The following OTOF variants were observed in gnomAD, a reference collection of about 807,000 sequenced individuals.
OTOF encodes fer-1-like family member 2.
In OTOF, 218 loss-of-function variants were observed where a neutral mutation model predicts 236.8. The ratio of observed to expected loss-of-function variants is 0.92; its 90% confidence interval spans 0.82 to 1.03. The LOEUF (loss-of-function observed/expected upper bound fraction) is 1.03. OTOF is among the 50% of genes least tolerant of loss of function. The pLI is 0.00. For synonymous variants in OTOF, 1,041 were observed against 1,072.5 expected, an observed-to-expected ratio of 0.97 and a Z score of 0.57; for missense variants, 2,590 against 2,694.4, an observed-to-expected ratio of 0.96 and a Z score of 0.86.
intron 1 of OTOF, among the ~76,000 whole-genome samples, chr2:26,543,171 C>A (rs1667247895): frequency 6.6e-6 from 1 of 152,146 alleles, no homozygotes; most frequent in African/African-American, 2.4e-5. Context: ...TTTTCTCTCT[C>A]CCCACTTCAG....
intron 1 of OTOF, among the ~76,000 whole-genome samples, chr2:26,541,846 G>A (rs1667218636): frequency 6.6e-6 from 1 of 152,256 alleles, no homozygotes; most frequent in Non-Finnish European, 1.5e-5. Context: ...TGGAAAGGCT[G>A]TTGTGGATCG....
chr2:26,466,941 G>C (rs915849517), intron 35 of OTOF, 90 bp from the exon 36 acceptor site: 1 of 1,581,998 alleles, frequency 6.3e-7, no homozygotes, highest in South Asian at 1.1e-5. Flanking sequence ...GCTGGACCCT[G>C]ATGTGGCAGG....
chr2:26,521,575 G>A (rs916292659), intron 3 of OTOF, among the ~76,000 whole-genome samples: 4 of 152,188 alleles, frequency 2.6e-5, no homozygotes, highest in African/African-American at 7.2e-5. Context: ...TAGATACTCC[G>A]GTGGTGGTGA....
At chr2:26,558,136 C>G (rs1160870121) in intron 1 of OTOF, among the ~76,000 whole-genome samples, 3 of 151,892 alleles carry the variant, frequency 2.0e-5, no homozygotes, top group African/African-American at 7.3e-5. Context: ...GGAAATCAAC[C>G]TGCAGGAGAG....
At chr2:26,463,594 A>T (rs1431640729) in intron 40 of OTOF, 23 bp from the exon 41 acceptor site, 1 of 1,562,574 alleles carries the variant, frequency 6.4e-7, no homozygotes, top group African/African-American at 1.4e-5. Flanking sequence ...GTTGTGGCAG[A>T]TCTCCCAGGG....
chr2:26,474,867 C>T (rs933904421), intron 25 of OTOF, among the ~76,000 whole-genome samples, 193 bp from the exon 26 acceptor site: 18 of 152,086 alleles, frequency 1.2e-4, no homozygotes, highest in African/African-American at 4.1e-4. Context: ...ATGGCAGATG[C>T]CCGGCTCAGG....
At position 26,558,554 on chromosome 2, in the gene OTOF, G is replaced by T; in HGVS notation, c.18C>A (p.His6Gln). The T allele has an allele frequency of 1.9e-6, 3 of 1,613,984 alleles. No homozygotes were observed. Among genetic ancestry groups the T allele is most frequent in the Non-Finnish European group, 2.5e-6 (3 of 1,179,940 alleles). Residue 6 changes from histidine (H) to glutamine (Q), a missense_variant, in exon 1 of 47, where the codon CAC becomes CAA. This residue lies in a region of OTOF where 1,379 missense variants were observed against 1,341.6 expected (regional missense o/e 1.03). Transcript: ENST00000272371. MALLI[H>Q]LKTVSELRGR... The stretch of plus-strand genomic sequence containing the variant: ...CCCGCAGCTCCGAGACTGTCTTGAG[G>T]TGGATGAGCAAGGCCATGCTGGTGT...
chr2:26,491,909 G>A (rs1487824380), intron 9 of OTOF, among the ~76,000 whole-genome samples: 5 of 152,236 alleles, frequency 3.3e-5, no homozygotes, highest in Admixed American at 2.0e-4. Flanking sequence ...GTTATTTCCT[G>A]AGCATATTTT....
chr2:26,530,351 G>A (rs571230788), intron 2 of OTOF, among the ~76,000 whole-genome samples: 1 of 152,044 alleles, frequency 6.6e-6, no homozygotes, highest in African/African-American at 2.4e-5. Flanking sequence ...AGGAGACAGG[G>A]GGCTTCCGGG....
At chr2:26,465,608 C>G in intron 38 of OTOF, 64 bp downstream of exon 38, 1 of 1,537,956 alleles carries the variant, frequency 6.5e-7, no homozygotes. Context: ...GGATCTGAAT[C>G]TCATTTTAGA....
intron 11 of OTOF, 28 bp from the exon 12 acceptor site, chr2:26,484,661 C>G: frequency 6.2e-7 from 1 of 1,611,190 alleles, no homozygotes; most frequent in Non-Finnish European, 8.5e-7. Flanking sequence ...GGGCACTGCA[C>G]CAGACACCCC....
intron 3 of OTOF, among the ~76,000 whole-genome samples, chr2:26,521,281 G>A (rs541702645): frequency 3.3e-5 from 5 of 152,312 alleles, no homozygotes; most frequent in Admixed American, 1.3e-4. Flanking sequence ...CCTGTTGAGC[G>A]TGGGGCGATC....
At chr2:26,525,636 T>C (rs13025681) in intron 3 of OTOF, among the ~76,000 whole-genome samples, 94,592 of 152,086 alleles carry the variant, frequency 0.62, 34,475 homozygotes, top group Non-Finnish European at 0.79. Context: ...ATATGTATGA[T>C]GAGTGACTGC....
intron 1 of OTOF, among the ~76,000 whole-genome samples, chr2:26,546,120 C>A (rs1422491506): frequency 2.6e-5 from 4 of 152,004 alleles, no homozygotes; most frequent in Non-Finnish European, 5.9e-5. Flanking sequence ...TGTACTTTTA[C>A]AATAAAGTAA....
intron 5 of OTOF, among the ~76,000 whole-genome samples, chr2:26,514,511 CTG>C (rs1029617129): frequency 2.0e-5 from 3 of 152,244 alleles, no homozygotes; most frequent in Non-Finnish European, 2.9e-5. Context: ...GAGTGAGAAA[CTG>C]GCTCTGTGTT....
At chr2:26,533,925 C>T (rs1438471320) in intron 2 of OTOF, among the ~76,000 whole-genome samples, 1 of 152,088 alleles carries the variant, frequency 6.6e-6, no homozygotes, top group African/African-American at 2.4e-5. Context: ...TAAGGCCAAA[C>T]TCCCCTGCCC....
At position 26,482,604 on chromosome 2, in the gene OTOF, G is replaced by T; in HGVS notation, c.1393-12C>A. On this transcript the variant is annotated splice_polypyrimidine_tract_variant and intron_variant, in intron 13 of 46. Transcript: ENST00000272371. Reference sequence around the variant, plus strand: ...ACTGAAGTCTTGCCCTGGTGGAAGGGGGAGCACAGGTGAGGGCGTGGCATG... The same window carrying T: ...ACTGAAGTCTTGCCCTGGTGGAAGGTGGAGCACAGGTGAGGGCGTGGCATG... 1 of 1,611,040 alleles carries T rather than the reference G, an allele frequency of 6.2e-7. No individual in the cohort carries two copies. The highest frequency in any genetic ancestry group is 8.5e-7 in the Non-Finnish European group (1 of 1,178,232).
At chr2:26,466,689 G>C (rs756808655) in intron 36 of OTOF, 25 bp downstream of exon 36, 39 of 1,613,824 alleles carry the variant, frequency 2.4e-5, no homozygotes, top group Admixed American at 3.3e-5. Context: ...AGACTTGCAA[G>C]GAGGGAAAGC....
rs535202902 is a variant in OTOF, at chr2:26,467,329, C to A, written c.4227+36G>T. 235 of 1,613,752 alleles carry A rather than the reference C, an allele frequency of 1.5e-4. 2 individuals carry two copies. The South Asian group carries it at 2.5e-3, about 17-fold the overall frequency. On this transcript the variant is annotated intron_variant, in intron 34 of 46. Transcript: ENST00000272371. Reference sequence around the variant, plus strand: ...CACTGCGCCCCCCTCTTCCCGCCCCCACACACCCTAGAAGGGTCTGCTCCT... The same window carrying A: ...CACTGCGCCCCCCTCTTCCCGCCCCAACACACCCTAGAAGGGTCTGCTCCT...
Sources: allele counts gnomAD v4.1 joint callset (sites outside exome capture counted in the v4.1 genomes callset), GRCh38; gene constraint gnomAD v4.1.1; regional missense constraint gnomAD v4.1.1; transcripts MANE v1.5; gene names NCBI Gene and HGNC (gene_info 2026-07-23, HGNC 2026-07-21).